EXOC4: variants seen among roughly 807,000 people sequenced by gnomAD.
EXOC4 encodes the protein SEC8-like 1.
In EXOC4, 71 loss-of-function variants were observed where a neutral mutation model predicts 107.2. That is an observed-to-expected ratio of 0.66 (90% CI 0.55 to 0.81). The LOEUF is 0.81. Ranked by LOEUF, EXOC4 falls within the 30% of genes least tolerant of loss-of-function variation. The pLI, the probability that EXOC4 is intolerant of heterozygous loss-of-function variation, is 0.00. For synonymous variants in EXOC4, 456 were observed against 441.2 expected, an observed-to-expected ratio of 1.03 and a Z score of -0.42; for missense variants, 1,108 against 1,189.6, an observed-to-expected ratio of 0.93 and a Z score of 1.01.
At chr7:133,930,213 C>A (rs1274026949) in intron 13 of EXOC4, among the ~76,000 whole-genome samples, 1 of 152,134 alleles carries the variant, frequency 6.6e-6, no homozygotes, top group Non-Finnish European at 1.5e-5. Context: ...TGCACTGTAT[C>A]ATGCATGTTA....
intron 7 of EXOC4, among the ~76,000 whole-genome samples, chr7:133,394,137 A>G (rs1164428011): frequency 6.6e-6 from 1 of 152,232 alleles, no homozygotes; most frequent in Non-Finnish European, 1.5e-5. Flanking sequence ...TAGTATTACT[A>G]TTATATAGCC....
chr7:133,710,376 T>C (rs1211230840), intron 10 of EXOC4, among the ~76,000 whole-genome samples: 2 of 152,130 alleles, frequency 1.3e-5, no homozygotes, highest in Non-Finnish European at 2.9e-5. Flanking sequence ...AGTTGGTAGT[T>C]GCGGCCGGGC....
chr7:133,276,298 G>T (rs1793989259), intron 2 of EXOC4, among the ~76,000 whole-genome samples: 2 of 152,194 alleles, frequency 1.3e-5, no homozygotes, highest in Admixed American at 6.5e-5. Flanking sequence ...TCAAATAAGG[G>T]TTATGTAGTA....
chr7:133,789,555 T>G (rs1317751223), intron 10 of EXOC4, among the ~76,000 whole-genome samples: 1 of 152,186 alleles, frequency 6.6e-6, no homozygotes, highest in African/African-American at 2.4e-5. Context: ...GGTGAGGATT[T>G]GAAAGCTGTG....
In EXOC4 at chr7:133,475,398, A is replaced by G. The variant is rs768596052; in HGVS notation, c.1253A>G (p.Tyr418Cys). The stretch of plus-strand genomic sequence containing the variant: ...TCTGAACCATCAGCTCAACTAAGCT[A>G]TGCCAGCACTGGACGAGAGTTTGCA... ...TASEPSAQLS[Y>C]ASTGREFAAF... The change falls in exon 8 of 18, where the codon TAT becomes TGT. Residue 418 changes from tyrosine (Y) to cysteine (C), a missense_variant. Tyr to Cys is a radical substitution (Grantham distance 194). Coordinates refer to ENST00000253861, the MANE Select transcript of EXOC4 (RefSeq NM_021807.4). 5.0e-6 allele frequency: 8 copies of G among 1,614,126 alleles called. No homozygotes were observed. Among genetic ancestry groups the G allele is most frequent in the East Asian group, 4.5e-5 (2 of 44,876 alleles).
chr7:133,495,729 A>G (rs780888477), intron 9 of EXOC4, among the ~76,000 whole-genome samples: 7 of 152,162 alleles, frequency 4.6e-5, no homozygotes, highest in Non-Finnish European at 1.0e-4. Context: ...TCACCTTTTA[A>G]TGGACTTTCA....
At chr7:133,392,244 T>C (rs946245824) in intron 7 of EXOC4, among the ~76,000 whole-genome samples, 5 of 152,192 alleles carry the variant, frequency 3.3e-5, no homozygotes, top group Non-Finnish European at 5.9e-5. Flanking sequence ...GTTGATGATC[T>C]GTTCACCTGC....
chr7:133,696,806 C>G (rs1475889729), intron 10 of EXOC4, among the ~76,000 whole-genome samples: 1 of 152,204 alleles, frequency 6.6e-6, no homozygotes, highest in East Asian at 1.9e-4. Context: ...ATCAGCCTCT[C>G]CCTTACTATG....
intron 9 of EXOC4, among the ~76,000 whole-genome samples, chr7:133,605,418 C>T (rs1005447903): frequency 6.6e-6 from 1 of 152,002 alleles, no homozygotes; most frequent in Non-Finnish European, 1.5e-5. Context: ...CCCTTTTTCC[C>T]ACAGCCGCTG....
chr7:133,313,157 C>G (rs1260698152), intron 4 of EXOC4, among the ~76,000 whole-genome samples: 6 of 85,448 alleles, frequency 7.0e-5, no homozygotes, highest in Non-Finnish European at 1.4e-4. Flanking sequence ...TTTTTTTTTT[C>G]CCTCTTGGCT....
At chr7:133,331,728 G>A (rs188381847) in intron 5 of EXOC4, among the ~76,000 whole-genome samples, 1 of 152,278 alleles carries the variant, frequency 6.6e-6, no homozygotes, top group East Asian at 1.9e-4. Flanking sequence ...GCCTCCCAAA[G>A]TGAGGTATTA....
intron 14 of EXOC4, among the ~76,000 whole-genome samples, chr7:133,984,185 G>C (rs757978859): frequency 6.6e-6 from 1 of 152,146 alleles, no homozygotes; most frequent in Non-Finnish European, 1.5e-5. Context: ...ACTGTTTCCT[G>C]AGTAACCAGA....
At chr7:133,817,893 A>C (rs1449663578) in intron 11 of EXOC4, among the ~76,000 whole-genome samples, 2 of 152,212 alleles carry the variant, frequency 1.3e-5, no homozygotes, top group African/African-American at 4.8e-5. Flanking sequence ...ATTAACAGGA[A>C]GGAAGCTATG....
At chr7:133,907,815 A>AGG (rs1554418675) in intron 12 of EXOC4, among the ~76,000 whole-genome samples, 13 of 93,330 alleles carry the variant, frequency 1.4e-4, no homozygotes, top group South Asian at 4.7e-4. Flanking sequence ...GAGAGAGAAG[A>AGG]AGGAGGAGGA....
At chr7:133,491,602 G>T (rs1178298050) in intron 9 of EXOC4, among the ~76,000 whole-genome samples, 1 of 152,142 alleles carries the variant, frequency 6.6e-6, no homozygotes, top group Non-Finnish European at 1.5e-5. Context: ...TGGAGGTTAT[G>T]GTGTACAGTC....
At chr7:133,907,074 C>T (rs1445772670) in intron 12 of EXOC4, among the ~76,000 whole-genome samples, 4 of 152,180 alleles carry the variant, frequency 2.6e-5, no homozygotes, top group Non-Finnish European at 5.9e-5. Context: ...GTAACAAGAA[C>T]GGCCAAGGGT....
chr7:133,353,787 G>A (rs1795963277), intron 5 of EXOC4, among the ~76,000 whole-genome samples: 1 of 151,374 alleles, frequency 6.6e-6, no homozygotes, highest in African/African-American at 2.4e-5. Context: ...GTATCCTGTG[G>A]GCTGTCTTCA....
intron 17 of EXOC4, among the ~76,000 whole-genome samples, chr7:134,063,556 A>G (rs55878406): frequency 0.19 from 29,173 of 151,998 alleles, 3,844 homozygotes; most frequent in East Asian, 0.41. Context: ...CCCTGGGTGG[A>G]GTGAGGGGTA....
At position 133,934,228 on chromosome 7, in the gene EXOC4, T is replaced by G. The variant is rs971875223; in HGVS notation, c.2028-3663T>G. Among the ~76,000 whole-genome samples, 39 of 152,200 alleles carry G rather than the reference T, an allele frequency of 2.6e-4. 1 individual carries two copies. The highest frequency in any genetic ancestry group is 9.4e-4 in the African/African-American group (39 of 41,454). ...GTAGTCAAACAGCTAAAGCCATCCC[T>G]TTAAAGTTATTCTAACACATAAAAA... On this transcript the variant is annotated intron_variant, in intron 13 of 17. Transcript: ENST00000253861.
Sources: allele counts gnomAD v4.1 joint callset (sites outside exome capture counted in the v4.1 genomes callset), GRCh38; gene constraint gnomAD v4.1.1; transcripts MANE v1.5; gene names NCBI Gene and HGNC (gene_info 2026-07-23, HGNC 2026-07-21).